NUBPL: variants seen among roughly 807,000 people sequenced by gnomAD.
The protein encoded by NUBPL is iron-sulfur cluster transfer protein NUBPL.
Under a neutral mutation model 45.7 loss-of-function variants are expected in NUBPL, and 31 were observed. That is an observed-to-expected ratio of 0.68 (90% CI 0.51 to 0.92). The LOEUF is 0.92. Among genes scored for constraint, NUBPL ranks in the 40% least tolerant of loss-of-function variants. The probability of loss-of-function intolerance (pLI) is 0.00; values close to 1 mark genes in which losing one functional copy is unlikely to be tolerated. For synonymous variants in NUBPL, 144 were observed against 140.9 expected (o/e 1.02, Z -0.15); for missense variants, 401 against 398.7 (o/e 1.01, Z -0.05).
At chr14:31,730,158 T>A (rs2038018308) in intron 6 of NUBPL, among the ~76,000 whole-genome samples, 1 of 152,216 alleles carries the variant, frequency 6.6e-6, no homozygotes, top group Non-Finnish European at 1.5e-5. Context: ...AATAGATTTT[T>A]ACAATTATTT....
chr14:31,780,465 C>T (rs1301740421), intron 6 of NUBPL, among the ~76,000 whole-genome samples: 1 of 152,144 alleles, frequency 6.6e-6, no homozygotes, highest in Non-Finnish European at 1.5e-5. Context: ...TGAGAAAAAG[C>T]AAATGCTCCC....
At chr14:31,761,011 T>C (rs1045709400) in intron 6 of NUBPL, among the ~76,000 whole-genome samples, 1 of 152,112 alleles carries the variant, frequency 6.6e-6, no homozygotes, top group Non-Finnish European at 1.5e-5. Context: ...TTTTACATTT[T>C]AAAATTCAAA....
chr14:31,682,113 A>G (rs544203224), intron 6 of NUBPL, among the ~76,000 whole-genome samples: 1 of 152,250 alleles, frequency 6.6e-6, no homozygotes, highest in Non-Finnish European at 1.5e-5. Context: ...TAAATTAATG[A>G]GAGAGGAGTG....
rs532129282 is a variant in NUBPL at position 31,807,928 on chromosome 14, G to A, written c.608-18701G>A. Among the ~76,000 whole-genome samples, 8 of 152,252 alleles carry A rather than the reference G, an allele frequency of 5.3e-5. No homozygotes were observed. In the East Asian group the frequency reaches 1.5e-3, roughly 29 times the overall value. On this transcript the variant is annotated intron_variant, in intron 7 of 10. Coordinates refer to ENST00000281081, the MANE Select transcript of NUBPL (RefSeq NM_025152.3). ...TGTTAGGTTTGTCAAAGATCAGATG[G>A]TTGTAGATGTGTGGTATTATTTCTG...
At chr14:31,633,025 G>A (rs2035385415) in intron 4 of NUBPL, among the ~76,000 whole-genome samples, 2 of 152,230 alleles carry the variant, frequency 1.3e-5, no homozygotes, top group Non-Finnish European at 2.9e-5. Flanking sequence ...AGGAAGCTCA[G>A]TGTGAGGCAT....
At chr14:31,812,104 C>T (rs986984643) in intron 7 of NUBPL, among the ~76,000 whole-genome samples, 1 of 152,212 alleles carries the variant, frequency 6.6e-6, no homozygotes, top group East Asian at 1.9e-4. Context: ...GTCATGGACC[C>T]ACTTGAGGAG....
chr14:31,578,421 C>T (rs1368341162), intron 3 of NUBPL, among the ~76,000 whole-genome samples: 3 of 152,126 alleles, frequency 2.0e-5, no homozygotes, highest in African/African-American at 7.2e-5. Context: ...TTCATTCCAG[C>T]CTGTTTCTTT....
At chr14:31,746,788 G>A (rs1382331959) in intron 6 of NUBPL, among the ~76,000 whole-genome samples, 1 of 151,798 alleles carries the variant, frequency 6.6e-6, no homozygotes, top group Non-Finnish European at 1.5e-5. Flanking sequence ...AAGAGTTTGA[G>A]GCCGAGCATG....
intron 3 of NUBPL, among the ~76,000 whole-genome samples, chr14:31,579,858 A>G (rs984864228): frequency 3.3e-5 from 5 of 152,218 alleles, no homozygotes; most frequent in African/African-American, 1.2e-4. Context: ...GTGCTGATAG[A>G]AGAATGTTTC....
intron 2 of NUBPL, among the ~76,000 whole-genome samples, chr14:31,563,294 G>C (rs1456817904): frequency 6.6e-6 from 1 of 152,120 alleles, no homozygotes; most frequent in African/African-American, 2.4e-5. Flanking sequence ...TAAGTTCTTT[G>C]CGTTTTGTAA....
rs143310116 is a variant in NUBPL, at chr14:31,564,278, A to G, written c.257-736A>G. Among the ~76,000 whole-genome samples, 9 of 151,978 alleles carry G rather than the reference A, an allele frequency of 5.9e-5. No homozygotes were observed. The East Asian group carries it at 1.7e-3, about 29-fold the overall frequency. On this transcript the variant is annotated intron_variant, in intron 2 of 10. Coordinates refer to ENST00000281081, the MANE Select transcript of NUBPL (RefSeq NM_025152.3). ...CATAAGCAGTTTGGGAACACATTTTACTCTCTTACCTTTTACCCTTTTCCC... is the reference window on the plus strand; with the variant it reads ...CATAAGCAGTTTGGGAACACATTTTGCTCTCTTACCTTTTACCCTTTTCCC...
intron 6 of NUBPL, among the ~76,000 whole-genome samples, chr14:31,729,919 C>A (rs978091596): frequency 6.6e-6 from 1 of 152,084 alleles, no homozygotes; most frequent in Non-Finnish European, 1.5e-5. Context: ...TCATCCTTGT[C>A]TCATATATGA....
At chr14:31,745,930 A>G (rs111306382) in intron 6 of NUBPL, among the ~76,000 whole-genome samples, 13,169 of 151,978 alleles carry the variant, frequency 0.087, 804 homozygotes, top group African/African-American at 0.15. Context: ...GCCTCAAAAA[A>G]GCCATCTAGT....
chr14:31,644,496 C>A (rs1380512046), intron 4 of NUBPL, among the ~76,000 whole-genome samples: 1 of 152,038 alleles, frequency 6.6e-6, no homozygotes, highest in African/African-American at 2.4e-5. Flanking sequence ...TAGTTTTATT[C>A]CACTGTAGTC....
chr14:31,832,630 G>A (rs2040211302), intron 8 of NUBPL, among the ~76,000 whole-genome samples: 1 of 152,138 alleles, frequency 6.6e-6, no homozygotes, highest in African/African-American at 2.4e-5. Context: ...TTACCACTTA[G>A]AGAACTATAT....
intron 3 of NUBPL, among the ~76,000 whole-genome samples, chr14:31,589,885 T>C (rs8022828): frequency 0.54 from 82,307 of 152,114 alleles, 23,542 homozygotes; most frequent in African/African-American, 0.74. Context: ...CAGTACTCTT[T>C]GGTCTACCTT....
At chr14:31,581,076 A>C (rs1449040878) in intron 3 of NUBPL, among the ~76,000 whole-genome samples, 1 of 152,224 alleles carries the variant, frequency 6.6e-6, no homozygotes, top group Non-Finnish European at 1.5e-5. Flanking sequence ...TGTAAGCTAA[A>C]GTTGATAGCT....
At chr14:31,858,348 A>T (rs193044884) in intron 10 of NUBPL, among the ~76,000 whole-genome samples, 8 of 152,356 alleles carry the variant, frequency 5.3e-5, no homozygotes, top group African/African-American at 1.9e-4. Flanking sequence ...ATCAATTATC[A>T]ATGTAGAAAT....
chr14:31,596,427 T>C lies in NUBPL; in HGVS notation c.292-2862T>C, dbSNP rs80050516. On this transcript the variant is annotated intron_variant, in intron 3 of 10. Coordinates refer to ENST00000281081, the MANE Select transcript of NUBPL (RefSeq NM_025152.3). ...GTTGAATGACTGAATAGCTTCATCATGAAAAACTTTGCTCTCTAAATTGAA... is the reference window on the plus strand; with the variant it reads ...GTTGAATGACTGAATAGCTTCATCACGAAAAACTTTGCTCTCTAAATTGAA... 2.6e-3 allele frequency among the ~76,000 whole-genome samples: 390 copies of C among 152,348 alleles called. 3 individuals are homozygous for C. Among genetic ancestry groups the C allele is most frequent in the Non-Finnish European group, 4.1e-3 (281 of 68,032 alleles).
Sources: gnomAD v4.1 joint callset for allele counts (sites outside exome capture counted in the v4.1 genomes callset) on GRCh38, gnomAD v4.1.1 for gene constraint, MANE v1.5 for transcripts, NCBI Gene and HGNC (gene_info 2026-07-23, HGNC 2026-07-21) for gene names.